The following ATOSA variants were observed in gnomAD, a reference collection of about 807,000 sequenced individuals.
The protein encoded by ATOSA is atos homolog A.
At chr15:52,597,000 A>G in the ATOSA span, among the ~76,000 whole-genome samples, 4 of 152,234 alleles carry the variant, frequency 2.6e-5, no homozygotes, top group East Asian at 1.9e-4. Flanking sequence ...TAAAACCACA[A>G]TAATTAAGAT....
the ATOSA span, chr15:52,609,504 C>G: frequency 2.5e-6 from 4 of 1,613,828 alleles, no homozygotes; most frequent in Non-Finnish European, 3.4e-6. Flanking sequence ...AAGGATTAGT[C>G]TCTCCAACAG....
chr15:52,617,420 T>C, the ATOSA span, among the ~76,000 whole-genome samples: 1 of 152,168 alleles, frequency 6.6e-6, no homozygotes, highest in Non-Finnish European at 1.5e-5. Flanking sequence ...AGAAAATAAA[T>C]TTCCATTGTT....
At chr15:52,651,938 CTGGCTA>C in the ATOSA span, 1 of 1,535,224 alleles carries the variant, frequency 6.5e-7, no homozygotes, top group Non-Finnish European at 8.7e-7. Context: ...AAGTTGCCTT[CTGGCTA>C]TCAATAGCTA....
chr15:52,674,529 A>G, the ATOSA span, among the ~76,000 whole-genome samples: 1 of 152,254 alleles, frequency 6.6e-6, no homozygotes, highest in African/African-American at 2.4e-5. Flanking sequence ...CAGAAAGCTT[A>G]GTCCACCCAT....
chr15:52,593,678 T>G, the ATOSA span: 1 of 1,559,050 alleles, frequency 6.4e-7, no homozygotes, highest in Non-Finnish European at 8.7e-7. Context: ...TGCCCCTACC[T>G]CGGCAGTAAA....
the ATOSA span, chr15:52,678,040 C>T: frequency 2.5e-6 from 4 of 1,614,000 alleles, no homozygotes; most frequent in Non-Finnish European, 3.4e-6. Flanking sequence ...CCAATTTTCG[C>T]CCAGAGTGCT....
the ATOSA span, among the ~76,000 whole-genome samples, chr15:52,673,456 C>T: frequency 6.6e-6 from 1 of 152,214 alleles, no homozygotes; most frequent in African/African-American, 2.4e-5. Context: ...AGTTACCAAA[C>T]TTCTCTATGA....
chr15:52,659,238 T>C, the ATOSA span, among the ~76,000 whole-genome samples: 1 of 152,218 alleles, frequency 6.6e-6, no homozygotes, highest in Non-Finnish European at 1.5e-5. Flanking sequence ...CTCATCACAG[T>C]ACTTCTAGCA....
the ATOSA span, among the ~76,000 whole-genome samples, chr15:52,654,862 A>G: frequency 8.5e-5 from 13 of 152,146 alleles, no homozygotes; most frequent in Admixed American, 8.5e-4. Context: ...TATTGCAGAT[A>G]GAAAAAAAGA....
the ATOSA span, among the ~76,000 whole-genome samples, chr15:52,654,332 A>G: frequency 1.3e-5 from 2 of 152,206 alleles, no homozygotes; most frequent in African/African-American, 4.8e-5. Flanking sequence ...CTATGCTGCT[A>G]GTTTTCCAAT....
the ATOSA span, among the ~76,000 whole-genome samples, chr15:52,619,952 C>T: frequency 5.3e-5 from 8 of 151,942 alleles, no homozygotes; most frequent in East Asian, 1.9e-4. Flanking sequence ...CACTGGACAC[C>T]GGTGATTAAC....
At chr15:52,584,514 A>C in the ATOSA span, among the ~76,000 whole-genome samples, 1 of 152,102 alleles carries the variant, frequency 6.6e-6, no homozygotes, top group South Asian at 2.1e-4. Flanking sequence ...TTTGGCATAA[A>C]ATATTTTATA....
the ATOSA span, among the ~76,000 whole-genome samples, chr15:52,702,574 A>G: frequency 6.6e-6 from 1 of 152,124 alleles, no homozygotes; most frequent in African/African-American, 2.4e-5. Flanking sequence ...TCATGGACAT[A>G]GAGATGACAG....
At chr15:52,664,483 A>C in the ATOSA span, among the ~76,000 whole-genome samples, 1 of 152,152 alleles carries the variant, frequency 6.6e-6, no homozygotes, top group African/African-American at 2.4e-5. Flanking sequence ...TGCTATTCCC[A>C]TTTTTACAGA....
chr15:52,647,845 C>T, the ATOSA span, among the ~76,000 whole-genome samples: 1,073 of 152,262 alleles, frequency 7.0e-3, 47 homozygotes, highest in Admixed American at 0.065. Flanking sequence ...CCTTCTATGT[C>T]TCTTCTCATT....
chr15:52,589,481 T>C, the ATOSA span, among the ~76,000 whole-genome samples: 1 of 152,200 alleles, frequency 6.6e-6, no homozygotes, highest in Non-Finnish European at 1.5e-5. Flanking sequence ...AGTTTATACT[T>C]GTTTCCTTTA....
chr15:52,610,430 G>A, the ATOSA span: 1 of 1,516,548 alleles, frequency 6.6e-7, no homozygotes, highest in Non-Finnish European at 8.9e-7. Context: ...ATAAAGGTTA[G>A]ATCCTTATTA....
chr15:52,678,094 T>A, the ATOSA span: 3 of 1,548,976 alleles, frequency 1.9e-6, no homozygotes, highest in Non-Finnish European at 2.7e-6. Flanking sequence ...CGCCGCTGAT[T>A]CTACGGCTTC....
the ATOSA span, among the ~76,000 whole-genome samples, chr15:52,621,919 G>C: frequency 6.6e-6 from 1 of 150,766 alleles, no homozygotes. Context: ...ACATGATCTC[G>C]ACTCACTGCA....
Sources: allele counts gnomAD v4.1 joint callset (sites outside exome capture counted in the v4.1 genomes callset), GRCh38; gene constraint gnomAD v4.1.1; transcripts MANE v1.5; gene names NCBI Gene and HGNC (gene_info 2026-07-23, HGNC 2026-07-21).